LOXL2: variants seen among roughly 807,000 people sequenced by gnomAD.
LOXL2 encodes lysyl oxidase like 2, also known as lysyl oxidase homolog 2.
Under a neutral mutation model 93.0 loss-of-function variants are expected in LOXL2, and 70 were observed. The observed-to-expected ratio is 0.75, with a 90% confidence interval of 0.62 to 0.92. The LOEUF (loss-of-function observed/expected upper bound fraction) is 0.92, where lower values mean the gene tolerates loss of function less well. Among genes scored for constraint, LOXL2 ranks in the 40% least tolerant of loss-of-function variants. The pLI is 0.00. For synonymous variants in LOXL2, 438 were observed against 413.2 expected (o/e 1.06, Z -0.73); for missense variants, 973 against 1,054.9 (o/e 0.92, Z 1.08).
At chr8:23,390,233 C>T (rs534261150) in intron 1 of LOXL2, among the ~76,000 whole-genome samples, 86 of 152,228 alleles carry the variant, frequency 5.6e-4, no homozygotes, top group Non-Finnish European at 1.1e-3. Flanking sequence ...TCTGGCCCCA[C>T]GGGGAACACA....
chr8:23,368,386 C>G lies in LOXL2; in HGVS notation c.-35G>C, dbSNP rs377256437. ...CGGGCTGATGATCCCACGAAGGGGC[C>G]CTGCGCAGCTGGGAGGGACAGGCGG... On this transcript the variant is annotated 5_prime_UTR_variant, in exon 2 of 14. Coordinates refer to ENST00000389131, the MANE Select transcript of LOXL2 (RefSeq NM_002318.3). The G allele has an allele frequency of 3.2e-6, 5 of 1,578,014 alleles. No individual in the cohort carries two copies. The Admixed American group carries it at 6.7e-5, about 21-fold the overall frequency.
At chr8:23,396,313 G>A (rs1328740316) in intron 1 of LOXL2, among the ~76,000 whole-genome samples, 2 of 147,446 alleles carry the variant, frequency 1.4e-5, no homozygotes, top group Non-Finnish European at 3.0e-5. Context: ...GCAAAACTCA[G>A]TCTCAAAAAC....
intron 10 of LOXL2, among the ~76,000 whole-genome samples, chr8:23,304,643 G>C (rs1292237469): frequency 2.6e-5 from 4 of 152,134 alleles, no homozygotes; most frequent in African/African-American, 7.2e-5. Context: ...TGAATAAGAT[G>C]AACGGCGTCA....
chr8:23,309,782 G>C lies in LOXL2; in HGVS notation c.1766C>G (p.Pro589Arg), dbSNP rs753104617. Residue 589 changes from proline (P) to arginine (R), a missense_variant, in exon 10 of 14, where the codon CCC becomes CGC. Transcript: ENST00000389131. ...CAGGAGCCGGCGGTAGCCCGTGGTG[G>C]GGTCGGTCTGCGCGGCTGAGGCCGA... The part of the protein sequence containing the change: ...CLSASAAQTD[P>R]TTGYRRLLRF... 3 of 1,604,288 alleles carry C rather than the reference G, an allele frequency of 1.9e-6. No individual in the cohort carries two copies. In the South Asian group the frequency reaches 3.4e-5, roughly 18 times the overall value.
At chr8:23,344,744 G>A (rs928941524) in intron 3 of LOXL2, among the ~76,000 whole-genome samples, 12 of 152,074 alleles carry the variant, frequency 7.9e-5, no homozygotes, top group South Asian at 4.1e-4. Flanking sequence ...GTGTCTTGTG[G>A]TGGAGGAAAT....
At position 23,297,079 on chromosome 8, in the gene LOXL2, G is replaced by GA. The variant is rs1227227222; in HGVS notation, c.*963dup. ...GATCTGAGGACCCATGTCCACCGGA[G>GA]AAAACCACGAATGTACCTGAAGCTC... On this transcript the variant is annotated 3_prime_UTR_variant, in exon 14 of 14. Coordinates refer to ENST00000389131, the MANE Select transcript of LOXL2 (RefSeq NM_002318.3). The GA allele has an allele frequency of 1.3e-5, 2 of 152,228 alleles. No homozygotes were observed. The highest frequency in any genetic ancestry group is 4.8e-5 in the African/African-American group (2 of 41,446). 9.4% of individuals were successfully genotyped at this position (152,228 alleles called of 1,614,324 possible). A position where few individuals can be genotyped will look rare whatever the true frequency, so the allele number is the denominator to read the frequency against.
At chr8:23,311,029 T>C (rs1803312425) in intron 9 of LOXL2, among the ~76,000 whole-genome samples, 1 of 152,216 alleles carries the variant, frequency 6.6e-6, no homozygotes, top group Non-Finnish European at 1.5e-5. Flanking sequence ...TTTTGACAAG[T>C]TGCTTGTAAA....
At chr8:23,302,715 C>T (rs1403545805) in intron 11 of LOXL2, among the ~76,000 whole-genome samples, 1 of 152,174 alleles carries the variant, frequency 6.6e-6, no homozygotes, top group East Asian at 1.9e-4. Context: ...CTGCTGTAAA[C>T]AGTGGGTCTA....
intron 1 of LOXL2, among the ~76,000 whole-genome samples, chr8:23,391,817 G>A (rs186356492): frequency 1.3e-5 from 2 of 152,318 alleles, no homozygotes; most frequent in East Asian, 1.9e-4. Context: ...AGGGGTTTGG[G>A]TGGTTGGAAA....
At chr8:23,345,817 C>T (rs1230311854) in intron 3 of LOXL2, among the ~76,000 whole-genome samples, 3 of 152,110 alleles carry the variant, frequency 2.0e-5, no homozygotes, top group Admixed American at 6.6e-5. Context: ...GCCTGTAATC[C>T]CAGCACTTTG....
chr8:23,380,704 CACAA>C (rs1196354481), intron 1 of LOXL2, among the ~76,000 whole-genome samples: 1 of 151,956 alleles, frequency 6.6e-6, no homozygotes, highest in Non-Finnish European at 1.5e-5. Flanking sequence ...ATCTGGAAAA[CACAA>C]ACAAGTGAAA....
chr8:23,360,060 T>C (rs1271735218), intron 3 of LOXL2, 30 bp downstream of exon 3: 5 of 1,577,620 alleles, frequency 3.2e-6, no homozygotes, highest in Admixed American at 1.7e-5. Context: ...AATGTTTGCA[T>C]GAAGGAAACA....
At chr8:23,353,576 A>G (rs965050740) in intron 3 of LOXL2, among the ~76,000 whole-genome samples, 1 of 152,128 alleles carries the variant, frequency 6.6e-6, no homozygotes, top group Admixed American at 6.5e-5. Context: ...AGAATATACA[A>G]TAAGATATGA....
In LOXL2 at chr8:23,353,599, T is replaced by C. The variant is rs913872123; in HGVS notation, c.531+6491A>G. On this transcript the variant is annotated intron_variant, in intron 3 of 13. Transcript: ENST00000389131. The stretch of plus-strand genomic sequence containing the variant: ...CAATAAGATATGATGGCACAGCCTG[T>C]ATCAGAAAAGGGGAAAACTGAGAAC... 5.9e-5 allele frequency among the ~76,000 whole-genome samples: 9 copies of C among 152,152 alleles called. No homozygotes were observed. In the East Asian group the frequency reaches 1.5e-3, roughly 26 times the overall value.
chr8:23,308,988 A>ATTT (rs1187484092), intron 10 of LOXL2, among the ~76,000 whole-genome samples: 2 of 139,148 alleles, frequency 1.4e-5, no homozygotes, highest in Non-Finnish European at 3.0e-5. Context: ...ATATATATAT[A>ATTT]TATTTTTTTT....
chr8:23,385,845 T>C (rs1804751914), intron 1 of LOXL2: 2 of 679,172 alleles, frequency 2.9e-6, no homozygotes, highest in Non-Finnish European at 5.4e-6. Context: ...ATACAAAAAT[T>C]ATTAATGAGA....
chr8:23,333,311 C>T (rs1803735100), intron 5 of LOXL2, 90 bp downstream of exon 5: 1 of 1,246,162 alleles, frequency 8.0e-7, no homozygotes, highest in Non-Finnish European at 1.2e-6. Flanking sequence ...GCCACCCTTC[C>T]TCACTCTCCT....
Position 23,309,864 on chromosome 8 carries a change from A to G in LOXL2, c.1684T>C (p.Tyr562His). 6.3e-7 allele frequency: 1 copy of G among 1,584,784 alleles called. No homozygotes were observed. The highest frequency in any genetic ancestry group is 2.3e-5 in the East Asian group (1 of 42,726). The change falls in exon 10 of 14, where the codon TAC becomes CAC. Residue 562 changes from tyrosine to histidine, a missense_variant. Tyr to His is a moderately conservative substitution (Grantham distance 83). Transcript: ENST00000389131. ...LNAEMVQQTTYLEDRPMFMLQ... is the reference protein window; with the variant it reads ...LNAEMVQQTTHLEDRPMFMLQ... ...ATGAACATGGGCCGGTCCTCCAGGTAGGTGGTCTGCTGCACCATCTCCGCA... is the reference window on the plus strand; with the variant it reads ...ATGAACATGGGCCGGTCCTCCAGGTGGGTGGTCTGCTGCACCATCTCCGCA...
chr8:23,299,893 C>A (rs976988117), intron 12 of LOXL2, among the ~76,000 whole-genome samples: 2 of 152,250 alleles, frequency 1.3e-5, no homozygotes, highest in African/African-American at 4.8e-5. Flanking sequence ...GCCTGGCAGC[C>A]GGCCCTCTGC....
Sources: gnomAD v4.1 joint callset for allele counts (sites outside exome capture counted in the v4.1 genomes callset) on GRCh38, gnomAD v4.1.1 for gene constraint, MANE v1.5 for transcripts, NCBI Gene and HGNC (gene_info 2026-07-23, HGNC 2026-07-21) for gene names.